ASB4: variants seen among roughly 807,000 people sequenced by gnomAD.
ASB4 encodes ankyrin repeat and SOCS box containing 4.
A neutral mutation model predicts 38.6 loss-of-function variants in ASB4; 35 were observed. That is an observed-to-expected ratio of 0.91 (90% CI 0.69 to 1.20). The LOEUF (loss-of-function observed/expected upper bound fraction) is 1.20, where lower values mean the gene tolerates loss of function less well. ASB4 is among the 50% of genes most tolerant of loss of function. ASB4 has a pLI of 0.00. For missense variants in ASB4, 557 were observed against 527.2 expected (o/e 1.06, Z -0.55); for synonymous variants, 195 against 201.3 (o/e 0.97, Z 0.26).
intron 2 of ASB4, among the ~76,000 whole-genome samples, chr7:95,513,861 T>A (rs1392042993): frequency 6.6e-6 from 1 of 152,194 alleles, no homozygotes; most frequent in Admixed American, 6.5e-5. Flanking sequence ...ATGTAAGTGA[T>A]TTCCTTTTGA....
chr7:95,485,433 T>C (rs117853851), upstream of ASB4, among the ~76,000 whole-genome samples: 2,031 of 152,296 alleles, frequency 0.013, 61 homozygotes, highest in Admixed American at 0.055. Flanking sequence ...TCTAGGTCAC[T>C]TGAAAACCTC....
In ASB4 at chr7:95,513,262, T is replaced by G. The variant is rs1407195486; in HGVS notation, c.488-14551T>G. Among the ~76,000 whole-genome samples the G allele has an allele frequency of 2.1e-5, 3 of 142,482 alleles. No individual in the cohort carries two copies. The East Asian group carries it at 6.0e-4, about 29-fold the overall frequency. The allele number at this position is 142,482 out of a possible 152,430, so 93.5% of individuals were successfully genotyped here. The stretch of plus-strand genomic sequence containing the variant: ...TTTTTGTTTTTTGTTTGTTTTTTTT[T>G]TTTTTTTTTTTTAGAAATCGAGCCA... On this transcript the variant is annotated intron_variant, in intron 2 of 4. Transcript: ENST00000325885.
At chr7:95,482,694 G>A (rs975966536), upstream of ASB4, among the ~76,000 whole-genome samples, 1 of 152,182 alleles carries the variant, frequency 6.6e-6, no homozygotes, top group Non-Finnish European at 1.5e-5. Flanking sequence ...GCTTGCTGAC[G>A]TAGGGAGAAA....
At chr7:95,490,070 G>A (rs1790150059) in intron 1 of ASB4, among the ~76,000 whole-genome samples, 1 of 152,204 alleles carries the variant, frequency 6.6e-6, no homozygotes, top group Non-Finnish European at 1.5e-5. Flanking sequence ...TCAGGGTAAT[G>A]CACTTTAAGT....
At chr7:95,484,754 T>A (rs1433059175), upstream of ASB4, among the ~76,000 whole-genome samples, 2 of 152,104 alleles carry the variant, frequency 1.3e-5, no homozygotes, top group African/African-American at 4.8e-5. Flanking sequence ...AACTTGCTAT[T>A]ATAATTTTCC....
chr7:95,488,144 A>G (rs577043882), intron 1 of ASB4, among the ~76,000 whole-genome samples: 44 of 152,334 alleles, frequency 2.9e-4, no homozygotes, highest in Admixed American at 2.2e-3. Context: ...GATAGAGACC[A>G]TCCTGCCTAA....
chr7:95,544,887 G>A (rs1791012156), downstream of ASB4, among the ~76,000 whole-genome samples: 1 of 151,876 alleles, frequency 6.6e-6, no homozygotes, highest in African/African-American at 2.4e-5. Flanking sequence ...ATAGACAGGG[G>A]GTTTCACTAT....
chr7:95,536,412 A>G (rs771892743), intron 3 of ASB4, 25 bp from the exon 4 acceptor site: 17 of 1,456,318 alleles, frequency 1.2e-5, no homozygotes, highest in Non-Finnish European at 1.5e-5. Context: ...CATCAAACAG[A>G]TGAAACTCTG....
chr7:95,515,221 CTTTCTTTCTT>C (rs1432612534), intron 2 of ASB4, among the ~76,000 whole-genome samples: 6 of 111,808 alleles, frequency 5.4e-5, no homozygotes, highest in African/African-American at 1.5e-4. Context: ...TTCTTTCTTT[CTTTCTTTCTT>C]TTTCTTTCTT....
intron 3 of ASB4, among the ~76,000 whole-genome samples, chr7:95,532,317 A>AATT (rs1223589678): frequency 1.8e-4 from 28 of 152,210 alleles, no homozygotes; most frequent in Admixed American, 1.3e-3. Context: ...ATTTCACTGA[A>AATT]AGCCAATGTG....
chr7:95,507,133 T>C (rs893632066), intron 2 of ASB4, among the ~76,000 whole-genome samples: 5 of 152,112 alleles, frequency 3.3e-5, no homozygotes, highest in African/African-American at 1.2e-4. Flanking sequence ...ACGTAGAGGT[T>C]TTTTGTTTGT....
At chr7:95,542,216 A>C (rs1412922863), downstream of ASB4, 1 of 152,142 alleles carries the variant, frequency 6.6e-6, no homozygotes, top group East Asian at 1.9e-4. Context: ...GTTTTGGTTT[A>C]TTTGTTTTTA....
At chr7:95,519,148 T>C (rs571432270) in intron 2 of ASB4, among the ~76,000 whole-genome samples, 77 of 152,128 alleles carry the variant, frequency 5.1e-4, no homozygotes, top group Non-Finnish European at 9.6e-4. Flanking sequence ...CAAGAGAATA[T>C]ATTTGCCATA....
At chr7:95,477,145 G>A (rs187368040), upstream of ASB4, among the ~76,000 whole-genome samples, 58 of 152,062 alleles carry the variant, frequency 3.8e-4, no homozygotes, top group East Asian at 0.011. Flanking sequence ...TGTTCTTCCG[G>A]GTTCATTTAT....
intron 1 of ASB4, among the ~76,000 whole-genome samples, chr7:95,487,238 G>A (rs910467823): frequency 6.6e-6 from 1 of 152,036 alleles, no homozygotes; most frequent in African/African-American, 2.4e-5. Context: ...TTTACTCAAG[G>A]GCTTTATAAT....
chr7:95,480,222 C>T (rs568995146), intron 1 of ASB4, among the ~76,000 whole-genome samples: 1 of 152,258 alleles, frequency 6.6e-6, no homozygotes, highest in East Asian at 1.9e-4. Flanking sequence ...CACATATTAC[C>T]ATGTGACAAA....
chr7:95,475,620 G>C (rs556346629), upstream of ASB4, among the ~76,000 whole-genome samples: 3 of 152,196 alleles, frequency 2.0e-5, no homozygotes, highest in African/African-American at 7.2e-5. Context: ...CTGACCTCAG[G>C]TGATCCACCC....
At chr7:95,482,776 A>G (rs1263747154), upstream of ASB4, among the ~76,000 whole-genome samples, 1 of 152,140 alleles carries the variant, frequency 6.6e-6, no homozygotes, top group Non-Finnish European at 1.5e-5. Context: ...GTCTTGATGG[A>G]TTATGAGAGG....
chr7:95,502,947 G>A (rs987439881), intron 2 of ASB4, among the ~76,000 whole-genome samples: 7 of 152,044 alleles, frequency 4.6e-5, no homozygotes, highest in Non-Finnish European at 7.4e-5. Flanking sequence ...TGTTGTTACC[G>A]CCATACCATG....
Sources: gnomAD v4.1 joint callset for allele counts (sites outside exome capture counted in the v4.1 genomes callset) on GRCh38, gnomAD v4.1.1 for gene constraint, MANE v1.5 for transcripts, NCBI Gene and HGNC (gene_info 2026-07-23, HGNC 2026-07-21) for gene names.